PIWIL1: variants seen among roughly 807,000 people sequenced by gnomAD.
PIWIL1 encodes piwi-like protein 1.
Under a neutral mutation model 114.4 loss-of-function variants are expected in PIWIL1, and 73 were observed. The observed-to-expected ratio is 0.64, with a 90% CI of 0.53 to 0.78. PIWIL1 has a LOEUF of 0.78. Ranked by LOEUF, PIWIL1 falls within the 30% of genes least tolerant of loss-of-function variation. The pLI is 0.00. For missense variants in PIWIL1, 723 were observed against 1,063.1 expected, an observed-to-expected ratio of 0.68 and a Z score of 4.45; for synonymous variants, 375 against 369.0, an observed-to-expected ratio of 1.02 and a Z score of -0.19.
intron 3 of PIWIL1, among the ~76,000 whole-genome samples, chr12:130,344,295 C>A (rs964568858): frequency 6.6e-6 from 1 of 152,104 alleles, no homozygotes; most frequent in African/African-American, 2.4e-5. Flanking sequence ...TCACCCAGTG[C>A]CATCAATACT....
Position 130,363,100 on chromosome 12 carries a change from G to A in PIWIL1, c.2151G>A (p.Val717=). 1 of 1,614,234 alleles carries A rather than the reference G, an allele frequency of 6.2e-7. No homozygotes were observed. The highest frequency in any genetic ancestry group is 8.5e-7 in the Non-Finnish European group (1 of 1,180,034). ...GQLKTLVNYE[V]PQFLDCLKSI... is the part of the protein sequence containing the mutation. Reference sequence around the variant, plus strand: ...TGAAAACACTGGTGAACTACGAAGTGCCACAGTTTTTGGATTGTCTAAAAT... The same window carrying A: ...TGAAAACACTGGTGAACTACGAAGTACCACAGTTTTTGGATTGTCTAAAAT... The change falls in exon 18 of 21, where the codon GTG becomes GTA. Residue 717 remains valine (V), a synonymous_variant. Transcript: ENST00000245255.
chr12:130,394,788 G>T, the PIWIL1 span, among the ~76,000 whole-genome samples: 4 of 144,664 alleles, frequency 2.8e-5, no homozygotes, highest in Admixed American at 2.8e-4. Flanking sequence ...TATTTGAAAA[G>T]TGTTAGCGAG....
At chr12:130,424,978 A>C in the PIWIL1 span, 1 of 505,994 alleles carries the variant, frequency 2.0e-6, no homozygotes, top group East Asian at 3.6e-5. This position sits in a 1 kb window ranked among gnomAD's most constrained non-coding sequence, Gnocchi z 9.8. Context: ...GAGGGGGGGG[A>C]AGCATGCGTC....
At chr12:130,367,026 C>A in intron 18 of PIWIL1, 107 bp from the exon 19 acceptor site, 1 of 1,294,554 alleles carries the variant, frequency 7.7e-7, no homozygotes, top group Non-Finnish European at 1.1e-6. Context: ...TGATACGCCC[C>A]AGGAGGGATG....
At chr12:130,399,080 G>A in the PIWIL1 span, 3 of 1,227,784 alleles carry the variant, frequency 2.4e-6, no homozygotes, top group African/African-American at 1.6e-5. Context: ...AGCTTAAGTT[G>A]GTATCTTTAT....
downstream of PIWIL1, among the ~76,000 whole-genome samples, chr12:130,376,663 C>G (rs2136208753): frequency 6.6e-6 from 1 of 152,356 alleles, no homozygotes; most frequent in South Asian, 2.1e-4. Flanking sequence ...CCTCAGATTC[C>G]TCAGTGAAGT....
At chr12:130,416,254 C>T in the PIWIL1 span, among the ~76,000 whole-genome samples, 1 of 152,092 alleles carries the variant, frequency 6.6e-6, no homozygotes, top group Non-Finnish European at 1.5e-5. Context: ...CAAAAAAGAG[C>T]CCAAATAGCC....
chr12:130,370,801 C>T (rs1004206519), intron 19 of PIWIL1, among the ~76,000 whole-genome samples: 1 of 152,118 alleles, frequency 6.6e-6, no homozygotes, highest in Non-Finnish European at 1.5e-5. Context: ...ACTCGCTGCC[C>T]CCACAGGTCG....
the PIWIL1 span, among the ~76,000 whole-genome samples, chr12:130,412,411 G>A: frequency 6.6e-6 from 1 of 152,184 alleles, no homozygotes; most frequent in African/African-American, 2.4e-5. Context: ...AGGTGTATCT[G>A]TGTCCCTAAA....
At chr12:130,354,498 C>T in intron 9 of PIWIL1, 39 bp from the exon 10 acceptor site, 8 of 1,613,224 alleles carry the variant, frequency 5.0e-6, no homozygotes, top group Non-Finnish European at 6.8e-6. Context: ...CTACTCGAGG[C>T]ATTTGCCGTG....
At position 130,369,238 on chromosome 12, in the gene PIWIL1, T is replaced by C. The variant is rs1319429808; in HGVS notation, c.2322-1938T>C. Among the ~76,000 whole-genome samples, 3 of 152,214 alleles carry C rather than the reference T, an allele frequency of 2.0e-5. No homozygotes were observed. In the East Asian group the frequency reaches 5.8e-4, roughly 29 times the overall value. ...CAAAGAGCATGATCTTGTTCCTTTATATGGCTGCATAGTATTCCATGGTGT... is the reference window on the plus strand; with the variant it reads ...CAAAGAGCATGATCTTGTTCCTTTACATGGCTGCATAGTATTCCATGGTGT... On this transcript the variant is annotated intron_variant, in intron 19 of 20. Coordinates refer to ENST00000245255, the MANE Select transcript of PIWIL1 (RefSeq NM_004764.5).
intron 13 of PIWIL1, 34 bp from the exon 14 acceptor site, chr12:130,357,447 T>C: frequency 3.3e-6 from 5 of 1,514,444 alleles, no homozygotes; most frequent in Non-Finnish European, 3.7e-6. Flanking sequence ...GTCGCTACTG[T>C]GTCTGAGTGT....
chr12:130,362,840 A>T lies in PIWIL1; in HGVS notation c.2041+4A>T. The T allele has an allele frequency of 1.9e-6, 3 of 1,613,930 alleles. No individual in the cohort carries two copies. Among genetic ancestry groups the T allele is most frequent in the Non-Finnish European group, 2.5e-6 (3 of 1,179,864 alleles). On this transcript the variant is annotated splice_donor_region_variant and intron_variant, in intron 17 of 20. Transcript: ENST00000245255. ...GGGCTCAAAGTCTGCCTGCAAGGTT[A>T]GTCACCTGTGGGGTTGCCATTCTAC...
the PIWIL1 span, among the ~76,000 whole-genome samples, chr12:130,393,738 T>C: frequency 6.6e-6 from 1 of 152,228 alleles, no homozygotes; most frequent in South Asian, 2.1e-4. Context: ...AGATATCTCT[T>C]TTCAGTTGGA....
At chr12:130,380,687 G>C in the PIWIL1 span, among the ~76,000 whole-genome samples, 6 of 152,284 alleles carry the variant, frequency 3.9e-5, no homozygotes, top group South Asian at 1.2e-3. Context: ...AGTTGCCCTG[G>C]GTTGTCTTCC....
chr12:130,363,207 T>C, intron 18 of PIWIL1, 63 bp downstream of exon 18: 6 of 1,493,006 alleles, frequency 4.0e-6, no homozygotes, highest in Non-Finnish European at 5.6e-6. Flanking sequence ...TCTTTGAAAT[T>C]AGCATCACAA....
downstream of PIWIL1, among the ~76,000 whole-genome samples, chr12:130,377,083 C>T (rs1196301688): frequency 2.0e-5 from 3 of 152,190 alleles, no homozygotes; most frequent in Non-Finnish European, 4.4e-5. Context: ...CCTCTCCTCC[C>T]CAGCTTCACT....
At chr12:130,382,957 T>G in the PIWIL1 span, among the ~76,000 whole-genome samples, 6 of 152,222 alleles carry the variant, frequency 3.9e-5, no homozygotes, top group Non-Finnish European at 8.8e-5. Context: ...GTTAAATATT[T>G]GTTTAAGTGC....
intron 9 of PIWIL1, among the ~76,000 whole-genome samples, chr12:130,353,779 A>T (rs1459490796): frequency 6.6e-6 from 1 of 151,542 alleles, no homozygotes; most frequent in Non-Finnish European, 1.5e-5. Flanking sequence ...ATATAAAATT[A>T]GCCAGGCACG....
Sources: gnomAD v4.1 joint callset for allele counts (sites outside exome capture counted in the v4.1 genomes callset) on GRCh38, gnomAD v4.1.1 for gene constraint, Gnocchi (gnomAD v3.1) non-coding constraint, MANE v1.5 for transcripts, NCBI Gene and HGNC (gene_info 2026-07-23, HGNC 2026-07-21) for gene names.